The following AP3S2 variants were observed in gnomAD, a reference collection of about 807,000 sequenced individuals.
AP3S2 encodes adaptor related protein complex 3 subunit sigma 2.
AP3S2 carries 22 observed loss-of-function variants against 23.4 expected under a neutral mutation model. That is an observed-to-expected ratio of 0.94 (90% CI 0.67 to 1.34). The LOEUF is 1.34. Ranked by LOEUF, AP3S2 falls within the 40% of genes most tolerant of loss-of-function variation. AP3S2 has a pLI of 0.00. For missense variants in AP3S2, 241 were observed against 236.9 expected, an observed-to-expected ratio of 1.02 and a Z score of -0.11; for synonymous variants, 86 against 87.1, an observed-to-expected ratio of 0.99 and a Z score of 0.07.
intron 1 of AP3S2, chr15:89,893,601 T>G: frequency 1.0e-5 from 5 of 494,188 alleles, no homozygotes; most frequent in Non-Finnish European, 7.2e-6. Flanking sequence ...CCACTGTCGC[T>G]TCTATCTCGT....
chr15:89,834,821 AC>A lies in AP3S2; in HGVS notation c.*693del, dbSNP rs1895150725. 6.6e-6 allele frequency: 1 copy of A among 150,720 alleles called. No individual in the cohort carries two copies. 9.3% of individuals were successfully genotyped at this position (150,720 alleles called of 1,614,324 possible). A position where few individuals can be genotyped will look rare whatever the true frequency, so the allele number is the denominator to read the frequency against. ...AGGCTGAGACAGGAGAAATGCTTGA[AC>A]CCGGGAAGCAGAGGTTGCAGTGAGC... On this transcript the variant is annotated 3_prime_UTR_variant, in exon 6 of 6. Coordinates refer to ENST00000336418, the MANE Select transcript of AP3S2 (RefSeq NM_005829.5).
intron 4 of AP3S2, chr15:89,838,027 A>C (rs559702303): frequency 6.6e-6 from 2 of 302,402 alleles, no homozygotes; most frequent in Non-Finnish European, 6.4e-6. Context: ...TGGGCAAATG[A>C]CCTTTAAAGT....
chr15:89,862,917 C>G (rs1352584391), intron 4 of AP3S2, among the ~76,000 whole-genome samples: 1 of 151,936 alleles, frequency 6.6e-6, no homozygotes, highest in African/African-American at 2.4e-5. Flanking sequence ...TTTAAATACC[C>G]AAGTTTTGCT....
At chr15:89,858,453 GAAAA>G (rs1204508976) in intron 4 of AP3S2, among the ~76,000 whole-genome samples, 98 of 114,904 alleles carry the variant, frequency 8.5e-4, no homozygotes, top group Middle Eastern at 4.1e-3. Context: ...AAAAAAGAAA[GAAAA>G]AGAAAGAAAG....
At chr15:89,890,683 A>G (rs1008544224) in intron 1 of AP3S2, among the ~76,000 whole-genome samples, 2 of 152,232 alleles carry the variant, frequency 1.3e-5, no homozygotes, top group African/African-American at 2.4e-5. Flanking sequence ...GTAACGAATC[A>G]TAAGAAAACC....
At chr15:89,869,615 A>T (rs1204407432) in intron 4 of AP3S2, among the ~76,000 whole-genome samples, 1 of 150,638 alleles carries the variant, frequency 6.6e-6, no homozygotes, top group African/African-American at 2.4e-5. Flanking sequence ...AGTAAAATCT[A>T]TCCTTGAATC....
chr15:89,834,098 G>A lies in AP3S2; in HGVS notation c.*1417C>T, dbSNP rs1216385507. The stretch of plus-strand genomic sequence containing the variant: ...ATGGGCGCCTAAGCCCTGGGAGAAT[G>A]GCACCTGAGGGAACAGAGCGTGCCC... On this transcript the variant is annotated 3_prime_UTR_variant, in exon 6 of 6. Coordinates refer to ENST00000336418, the MANE Select transcript of AP3S2 (RefSeq NM_005829.5). 1 of 152,356 alleles carries A rather than the reference G, an allele frequency of 6.6e-6. No homozygotes were observed. The highest frequency in any genetic ancestry group is 1.5e-5 in the Non-Finnish European group (1 of 68,146). The allele number at this position is 152,356 out of a possible 1,614,324, so 9.4% of individuals were successfully genotyped here.
chr15:89,867,664 G>T (rs1475956120), intron 4 of AP3S2, among the ~76,000 whole-genome samples: 1 of 130,496 alleles, frequency 7.7e-6, no homozygotes. Flanking sequence ...CTGCCCCGCC[G>T]CCCCATCTGG....
At chr15:89,842,824 G>T (rs1345066665) in intron 4 of AP3S2, among the ~76,000 whole-genome samples, 1 of 152,134 alleles carries the variant, frequency 6.6e-6, no homozygotes, top group Admixed American at 6.5e-5. Flanking sequence ...TGTTGGCCAG[G>T]ATGGTCTGCA....
At chr15:89,851,622 C>G (rs1895657390) in intron 4 of AP3S2, among the ~76,000 whole-genome samples, 1 of 152,184 alleles carries the variant, frequency 6.6e-6, no homozygotes, top group African/African-American at 2.4e-5. Flanking sequence ...CAGGCATGAG[C>G]CACCGCGCCC....
intron 4 of AP3S2, among the ~76,000 whole-genome samples, chr15:89,868,488 C>T (rs1242970454): frequency 8.2e-5 from 8 of 97,984 alleles, no homozygotes; most frequent in African/African-American, 7.8e-5. Flanking sequence ...CCCCTCTGCC[C>T]GGCCAGCCGC....
At chr15:89,871,439 AAC>A in intron 4 of AP3S2, 34 bp downstream of exon 4, 1 of 1,587,190 alleles carries the variant, frequency 6.3e-7, no homozygotes, top group Non-Finnish European at 8.6e-7. Context: ...GTTTTCTAGT[AAC>A]CCTAGTTTGG....
intron 1 of AP3S2, among the ~76,000 whole-genome samples, chr15:89,890,389 C>G (rs1258461694): frequency 1.3e-5 from 2 of 152,166 alleles, no homozygotes; most frequent in Non-Finnish European, 2.9e-5. Flanking sequence ...AAGCTCAACT[C>G]TGATGAAATC....
rs1596181924 is a variant in AP3S2, at chr15:89,833,286, A to G, written c.*2229T>C. The G allele has an allele frequency of 6.6e-6, 1 of 152,224 alleles. No individual in the cohort carries two copies. Among genetic ancestry groups the G allele is most frequent in the African/African-American group, 2.4e-5 (1 of 41,448 alleles). The allele number at this position is 152,224 out of a possible 1,614,324, so 9.4% of individuals were successfully genotyped here. ...CTGGCCACCTTAGAAAATCAAGCCTATTTAGACCACGGTTTGTGAGAAGTC... is the reference window on the plus strand; with the variant it reads ...CTGGCCACCTTAGAAAATCAAGCCTGTTTAGACCACGGTTTGTGAGAAGTC... On this transcript the variant is annotated 3_prime_UTR_variant, in exon 6 of 6. Coordinates refer to ENST00000336418, the MANE Select transcript of AP3S2 (RefSeq NM_005829.5).
At chr15:89,866,995 T>A (rs1214702304) in intron 4 of AP3S2, among the ~76,000 whole-genome samples, 8 of 114,958 alleles carry the variant, frequency 7.0e-5, no homozygotes, top group Non-Finnish European at 1.4e-4. Context: ...TCCCTCTCCC[T>A]CTCCCTCTCC....
chr15:89,845,852 C>A (rs1474123949), intron 4 of AP3S2: 1 of 152,192 alleles, frequency 6.6e-6, no homozygotes, highest in African/African-American at 2.4e-5. Flanking sequence ...ATAATTCAAC[C>A]TTCTACTCAG....
At chr15:89,864,722 AG>A (rs1215523290) in intron 4 of AP3S2, among the ~76,000 whole-genome samples, 1 of 152,018 alleles carries the variant, frequency 6.6e-6, no homozygotes, top group African/African-American at 2.4e-5. Flanking sequence ...TTGTATTTTT[AG>A]TAGAGACAAG....
At chr15:89,870,247 CTAAG>C (rs1325286712) in intron 4 of AP3S2, among the ~76,000 whole-genome samples, 11 of 152,244 alleles carry the variant, frequency 7.2e-5, no homozygotes, top group African/African-American at 2.6e-4. Flanking sequence ...CAAAACAACT[CTAAG>C]TGCTTGCAAA....
intron 4 of AP3S2, 100 bp from the exon 5 acceptor site, chr15:89,837,822 G>A: frequency 1.5e-6 from 2 of 1,372,004 alleles, no homozygotes; most frequent in Non-Finnish European, 2.0e-6. Context: ...GGTCAGATAT[G>A]ACCTGTCCTG....
Sources: allele counts gnomAD v4.1 joint callset (sites outside exome capture counted in the v4.1 genomes callset), GRCh38; gene constraint gnomAD v4.1.1; transcripts MANE v1.5; gene names NCBI Gene and HGNC (gene_info 2026-07-23, HGNC 2026-07-21).